The following LAMA3 variants were observed in gnomAD, a reference collection of about 807,000 sequenced individuals.
LAMA3 encodes the protein laminin subunit alpha-3.
A neutral mutation model predicts 402.0 loss-of-function variants in LAMA3; 281 were observed. That is an observed-to-expected ratio of 0.70 (90% confidence interval 0.63 to 0.77). The LOEUF (loss-of-function observed/expected upper bound fraction) is 0.77. LAMA3 is among the 30% of genes least tolerant of loss of function. The pLI is 0.00. For synonymous variants in LAMA3, 1,431 were observed against 1,558.4 expected (o/e 0.92, Z 1.93); for missense variants, 3,840 against 4,215.5 (o/e 0.91, Z 2.47).
At chr18:23,899,107 C>T (rs1446431253) in intron 46 of LAMA3, 42 bp downstream of exon 46, 18 of 1,452,594 alleles carry the variant, frequency 1.2e-5, no homozygotes, top group Non-Finnish European at 1.7e-5. Context: ...TTTTTGGTTA[C>T]ATAACCTTCA....
intron 41 of LAMA3, among the ~76,000 whole-genome samples, chr18:23,885,946 A>T (rs921350346): frequency 6.6e-6 from 1 of 152,052 alleles, no homozygotes; most frequent in Admixed American, 6.6e-5. Context: ...AAAAAAGTAG[A>T]TTCCTGTTTT....
intron 12 of LAMA3, among the ~76,000 whole-genome samples, chr18:23,800,133 A>G (rs1014717818): frequency 6.6e-6 from 1 of 152,260 alleles, no homozygotes; most frequent in South Asian, 2.1e-4. Flanking sequence ...TGCCTCGCCA[A>G]CTTGGCACTC....
chr18:23,709,612 A>G (rs957394949), intron 1 of LAMA3, among the ~76,000 whole-genome samples: 7 of 152,190 alleles, frequency 4.6e-5, no homozygotes, highest in African/African-American at 1.7e-4. Context: ...ATGAAGCAGT[A>G]AAGTTGGTAT....
At chr18:23,934,811 C>T (rs2082264948) in intron 67 of LAMA3, among the ~76,000 whole-genome samples, 1 of 152,222 alleles carries the variant, frequency 6.6e-6, no homozygotes, top group African/African-American at 2.4e-5. Context: ...CTCTTGAGAG[C>T]TATGTGCTCC....
intron 12 of LAMA3, among the ~76,000 whole-genome samples, chr18:23,787,899 G>A (rs959885379): frequency 6.6e-6 from 1 of 152,070 alleles, no homozygotes; most frequent in Non-Finnish European, 1.5e-5. Context: ...ACAAAAGAGA[G>A]TATAATTGAA....
chr18:23,808,853 C>T (rs2144266029), intron 12 of LAMA3, among the ~76,000 whole-genome samples: 1 of 152,272 alleles, frequency 6.6e-6, no homozygotes, highest in Admixed American at 6.5e-5. Flanking sequence ...TGCGCCAAGG[C>T]TTAGATTCCA....
At chr18:23,811,866 T>G (rs932016144) in intron 13 of LAMA3, among the ~76,000 whole-genome samples, 23 of 151,658 alleles carry the variant, frequency 1.5e-4, no homozygotes, top group Admixed American at 1.2e-3. Context: ...TTTTTATTTA[T>G]TTTTGATTTT....
intron 8 of LAMA3, among the ~76,000 whole-genome samples, chr18:23,770,799 A>T (rs996600546): frequency 6.6e-6 from 1 of 152,068 alleles, no homozygotes; most frequent in Admixed American, 6.5e-5. Context: ...AGAGCTTAAC[A>T]TTATTAGTCA....
chr18:23,807,094 TTGGAA>T (rs2062977104), intron 12 of LAMA3, among the ~76,000 whole-genome samples: 1 of 152,218 alleles, frequency 6.6e-6, no homozygotes, highest in South Asian at 2.1e-4. Flanking sequence ...TTATTCACTA[TTGGAA>T]CTAGAGTCAT....
chr18:23,731,952 C>CT (rs1268709562), intron 2 of LAMA3, among the ~76,000 whole-genome samples: 1 of 152,076 alleles, frequency 6.6e-6, no homozygotes, highest in Non-Finnish European at 1.5e-5. Context: ...AGGCTAATGG[C>CT]TTTAGGAGAG....
intron 12 of LAMA3, among the ~76,000 whole-genome samples, chr18:23,795,133 A>G (rs942447792): frequency 6.6e-6 from 1 of 152,252 alleles, no homozygotes; most frequent in South Asian, 2.1e-4. Flanking sequence ...CTCTCAGCCT[A>G]GTCTCCTCCT....
chr18:23,757,171 A>T (rs1034910852), intron 6 of LAMA3, among the ~76,000 whole-genome samples: 31 of 152,086 alleles, frequency 2.0e-4, no homozygotes, highest in African/African-American at 7.0e-4. Flanking sequence ...CGCTCCTAGG[A>T]AAACAACCAC....
intron 12 of LAMA3, among the ~76,000 whole-genome samples, chr18:23,800,442 C>T (rs1201637631): frequency 6.6e-6 from 1 of 152,156 alleles, no homozygotes; most frequent in Non-Finnish European, 1.5e-5. Flanking sequence ...TTATGGGGTA[C>T]AGAGTGATAT....
At chr18:23,867,794 C>A (rs2064400297) in intron 36 of LAMA3, 40 bp from the exon 37 acceptor site, 2 of 1,435,754 alleles carry the variant, frequency 1.4e-6, no homozygotes, top group South Asian at 1.1e-5. Flanking sequence ...TGAAAGATCC[C>A]AGTGAAGGTA....
At chr18:23,724,268 C>T (rs1260233625) in intron 2 of LAMA3, among the ~76,000 whole-genome samples, 1 of 152,074 alleles carries the variant, frequency 6.6e-6, no homozygotes, top group African/African-American at 2.4e-5. Flanking sequence ...TCTTTATTTT[C>T]TACAATGAGC....
chr18:23,854,265 C>A (rs537539311), intron 32 of LAMA3, among the ~76,000 whole-genome samples: 1 of 152,360 alleles, frequency 6.6e-6, no homozygotes, highest in African/African-American at 2.4e-5. Flanking sequence ...ATTTTGCTTC[C>A]CTTCCTCCTT....
At chr18:23,776,042 G>C (rs2062310837) in intron 10 of LAMA3, 119 bp downstream of exon 10, 1 of 1,041,652 alleles carries the variant, frequency 9.6e-7, no homozygotes, top group African/African-American at 1.6e-5. Flanking sequence ...GGGCCAGGTG[G>C]GTTGTATTTA....
chr18:23,857,309 A>G (rs1183230970), intron 32 of LAMA3, among the ~76,000 whole-genome samples: 6 of 152,206 alleles, frequency 3.9e-5, no homozygotes, highest in Non-Finnish European at 8.8e-5. Flanking sequence ...ATGGGGCAGC[A>G]TTCCCTGCCT....
At chr18:23,904,837 T>C in intron 51 of LAMA3, 143 bp downstream of exon 51, 2 of 842,234 alleles carry the variant, frequency 2.4e-6, no homozygotes, top group Non-Finnish European at 3.7e-6. Context: ...TTGCCCTAGA[T>C]ATGGGTAATT....
Sources: gnomAD v4.1 joint callset for allele counts (sites outside exome capture counted in the v4.1 genomes callset) on GRCh38, gnomAD v4.1.1 for gene constraint, MANE v1.5 for transcripts, NCBI Gene and HGNC (gene_info 2026-07-23, HGNC 2026-07-21) for gene names.